NKAIN2: variants seen among roughly 807,000 people sequenced by gnomAD.
The protein encoded by NKAIN2 is sodium/potassium transporting ATPase interacting 2.
A neutral mutation model predicts 32.6 loss-of-function variants in NKAIN2; 14 were observed. The observed-to-expected ratio is 0.43, with a 90% CI of 0.28 to 0.67. The LOEUF is 0.67. Ranked by LOEUF, NKAIN2 falls within the 30% of genes least tolerant of loss-of-function variation. The probability of loss-of-function intolerance (pLI) is 0.17; values close to 1 mark genes in which losing one functional copy is unlikely to be tolerated. For missense variants in NKAIN2, 198 were observed against 258.3 expected (o/e 0.77, Z 1.60); for synonymous variants, 80 against 87.2 (o/e 0.92, Z 0.46).
At chr6:123,921,425 C>G (rs953316642) in intron 1 of NKAIN2, among the ~76,000 whole-genome samples, 1 of 152,154 alleles carries the variant, frequency 6.6e-6, no homozygotes, top group African/African-American at 2.4e-5. Flanking sequence ...TATTCATTCC[C>G]TCAGTCATAG....
At chr6:124,439,168 G>T (rs149565170) in intron 3 of NKAIN2, among the ~76,000 whole-genome samples, 2 of 152,064 alleles carry the variant, frequency 1.3e-5, no homozygotes, top group East Asian at 1.9e-4. Context: ...TTCGCATTAC[G>T]CTTCCGCTCT....
intron 1 of NKAIN2, among the ~76,000 whole-genome samples, chr6:124,071,476 G>A (rs1783465536): frequency 1.3e-5 from 2 of 151,902 alleles, no homozygotes; most frequent in South Asian, 2.1e-4. Flanking sequence ...TTGACAAGTG[G>A]GACCTAATTA....
At chr6:124,445,818 G>T (rs1021379774) in intron 3 of NKAIN2, among the ~76,000 whole-genome samples, 1 of 151,950 alleles carries the variant, frequency 6.6e-6, no homozygotes, top group Non-Finnish European at 1.5e-5. Context: ...CCCAGGCTTG[G>T]CATGTCATTA....
intron 1 of NKAIN2, among the ~76,000 whole-genome samples, chr6:124,267,582 A>G (rs1169585658): frequency 6.6e-6 from 1 of 152,086 alleles, no homozygotes; most frequent in Non-Finnish European, 1.5e-5. Context: ...GGTATAATAC[A>G]GTGGATATAT....
intron 3 of NKAIN2, among the ~76,000 whole-genome samples, chr6:124,403,482 T>C (rs1773715975): frequency 6.6e-6 from 1 of 152,188 alleles, no homozygotes; most frequent in African/African-American, 2.4e-5. Context: ...GGAGTTATTC[T>C]CCAAAGTTAT....
intron 1 of NKAIN2, among the ~76,000 whole-genome samples, chr6:124,258,533 A>T (rs1288994890): frequency 6.6e-6 from 1 of 152,130 alleles, no homozygotes; most frequent in African/African-American, 2.4e-5. Context: ...GTAATATCTA[A>T]TAATATAAAA....
intron 1 of NKAIN2, among the ~76,000 whole-genome samples, chr6:123,863,804 C>T (rs148857686): frequency 6.6e-6 from 1 of 152,292 alleles, no homozygotes; most frequent in African/African-American, 2.4e-5. Context: ...CTCTTCCTCT[C>T]CTGTCCACTT....
chr6:124,804,942 A>G lies in NKAIN2; in HGVS notation c.536-13445A>G, dbSNP rs548965709. Among the ~76,000 whole-genome samples the G allele has an allele frequency of 1.1e-3, 162 of 152,198 alleles. 1 individual carries two copies. The highest frequency in any genetic ancestry group is 6.8e-3 in the Middle Eastern group (2 of 294). On this transcript the variant is annotated intron_variant, in intron 5 of 6. Coordinates refer to ENST00000368417, the MANE Select transcript of NKAIN2 (RefSeq NM_001040214.3). The stretch of plus-strand genomic sequence containing the variant: ...GCAAGGCGGCAGCGAGGCTGGGGGA[A>G]GGGCGCCCGCCATTGCCCAGGCTTG...
chr6:124,683,543 T>C (rs1369332221), intron 4 of NKAIN2, among the ~76,000 whole-genome samples: 2 of 152,082 alleles, frequency 1.3e-5, no homozygotes, highest in East Asian at 1.9e-4. Context: ...CTCAGAGAAA[T>C]AGAAACCCCA....
chr6:124,002,700 T>C (rs1779928648), intron 1 of NKAIN2, among the ~76,000 whole-genome samples: 1 of 152,162 alleles, frequency 6.6e-6, no homozygotes, highest in South Asian at 2.1e-4. Flanking sequence ...CTAACTTTCT[T>C]TTACGCCTTT....
At chr6:124,198,039 G>A (rs1790407699) in intron 1 of NKAIN2, among the ~76,000 whole-genome samples, 1 of 151,826 alleles carries the variant, frequency 6.6e-6, no homozygotes, top group Non-Finnish European at 1.5e-5. Context: ...AATTAACTGG[G>A]TTTGGGATTT....
At chr6:124,011,732 G>C (rs1377376092) in intron 1 of NKAIN2, among the ~76,000 whole-genome samples, 1 of 152,090 alleles carries the variant, frequency 6.6e-6, no homozygotes, top group African/African-American at 2.4e-5. Flanking sequence ...GCCAGTAAAG[G>C]CCTAAGCCTT....
intron 3 of NKAIN2, among the ~76,000 whole-genome samples, chr6:124,378,401 G>A (rs1800083273): frequency 6.6e-6 from 1 of 152,066 alleles, no homozygotes; most frequent in African/African-American, 2.4e-5. Flanking sequence ...AGCTTGCCCT[G>A]GGTTTTATAC....
chr6:123,857,874 C>A (rs1408337340), intron 1 of NKAIN2, among the ~76,000 whole-genome samples: 2 of 150,450 alleles, frequency 1.3e-5, no homozygotes, highest in Non-Finnish European at 3.0e-5. Context: ...TATGTCAGTG[C>A]AATTGTATTT....
chr6:124,072,058 A>C (rs1426053719), intron 1 of NKAIN2, among the ~76,000 whole-genome samples: 1 of 152,198 alleles, frequency 6.6e-6, no homozygotes, highest in Non-Finnish European at 1.5e-5. Flanking sequence ...ACAATAGCAA[A>C]AACATGGAAT....
chr6:124,302,714 G>T (rs1462265074), intron 2 of NKAIN2, among the ~76,000 whole-genome samples: 2 of 151,924 alleles, frequency 1.3e-5, no homozygotes, highest in Non-Finnish European at 2.9e-5. Flanking sequence ...TCTTCAAAGG[G>T]TTCACACAAC....
chr6:124,626,240 T>C (rs948204518), intron 3 of NKAIN2, among the ~76,000 whole-genome samples: 1 of 151,908 alleles, frequency 6.6e-6, no homozygotes, highest in Non-Finnish European at 1.5e-5. Flanking sequence ...AGTGGAAATA[T>C]AGTAAGTGGG....
intron 5 of NKAIN2, among the ~76,000 whole-genome samples, chr6:124,792,596 T>C (rs1779795230): frequency 6.6e-6 from 1 of 152,038 alleles, no homozygotes; most frequent in Non-Finnish European, 1.5e-5. Flanking sequence ...TATGAGCAAA[T>C]AAGTATGAAA....
intron 4 of NKAIN2, among the ~76,000 whole-genome samples, chr6:124,686,444 C>G (rs1324104687): frequency 1.3e-5 from 2 of 152,094 alleles, no homozygotes; most frequent in African/African-American, 2.4e-5. Flanking sequence ...CCCGACATGA[C>G]CAGAGCAGGA....
Sources: gnomAD v4.1 joint callset for allele counts (sites outside exome capture counted in the v4.1 genomes callset) on GRCh38, gnomAD v4.1.1 for gene constraint, MANE v1.5 for transcripts, NCBI Gene and HGNC (gene_info 2026-07-23, HGNC 2026-07-21) for gene names.